NRXN3: variants seen among roughly 807,000 people sequenced by gnomAD.
The protein encoded by NRXN3 is neurexin III.
In NRXN3, 32 loss-of-function variants were observed where a neutral mutation model predicts 137.6. That is an observed-to-expected ratio of 0.23 (90% CI 0.18 to 0.31). The LOEUF (loss-of-function observed/expected upper bound fraction) is 0.31. NRXN3 is among the 10% of genes least tolerant of loss of function. The pLI is 1.00. For synonymous variants in NRXN3, 798 were observed against 784.5 expected, an observed-to-expected ratio of 1.02 and a Z score of -0.29; for missense variants, 1,574 against 2,062.5, an observed-to-expected ratio of 0.76 and a Z score of 4.59.
chr14:78,906,397 C>T (rs1034367842), intron 10 of NRXN3, among the ~76,000 whole-genome samples: 1 of 152,032 alleles, frequency 6.6e-6, no homozygotes, highest in Non-Finnish European at 1.5e-5. Context: ...ACTGCCCTTC[C>T]CAATAGTTTT....
chr14:78,564,809 G>A (rs904354425), intron 4 of NRXN3, among the ~76,000 whole-genome samples: 1 of 151,984 alleles, frequency 6.6e-6, no homozygotes, highest in Non-Finnish European at 1.5e-5. Context: ...ATATGGTGGG[G>A]GTCTCAGTCA....
intron 15 of NRXN3, among the ~76,000 whole-genome samples, chr14:79,259,993 C>T (rs532282030): frequency 5.3e-5 from 8 of 152,196 alleles, no homozygotes; most frequent in East Asian, 1.9e-4. Flanking sequence ...CTCAGTTGTG[C>T]CAGAGCATAA....
chr14:79,718,617 C>A (rs988543136), intron 19 of NRXN3, among the ~76,000 whole-genome samples: 1 of 152,202 alleles, frequency 6.6e-6, no homozygotes, highest in Non-Finnish European at 1.5e-5. Context: ...CAGGCCCCCA[C>A]TACAGGCCCA....
chr14:79,380,630 G>C (rs113636672), intron 15 of NRXN3, among the ~76,000 whole-genome samples: 4,054 of 152,068 alleles, frequency 0.027, 183 homozygotes, highest in African/African-American at 0.093. Context: ...CAAGTCTTTG[G>C]TATTGTGAAT....
intron 17 of NRXN3, among the ~76,000 whole-genome samples, chr14:79,667,500 C>T (rs1210076506): frequency 6.6e-6 from 1 of 151,954 alleles, no homozygotes; most frequent in Non-Finnish European, 1.5e-5. Context: ...AACATCCCAC[C>T]GTGAAATATT....
chr14:78,498,214 G>A (rs1221109319), intron 4 of NRXN3, among the ~76,000 whole-genome samples: 1 of 152,178 alleles, frequency 6.6e-6, no homozygotes, highest in East Asian at 1.9e-4. Context: ...GTGCCAGATG[G>A]GAGTGTCACT....
At chr14:78,699,294 A>G (rs2098257267) in intron 6 of NRXN3, among the ~76,000 whole-genome samples, 3 of 149,694 alleles carry the variant, frequency 2.0e-5, no homozygotes, top group Admixed American at 6.6e-5. Flanking sequence ...TTATCCAGGT[A>G]GAGAATCCAG....
intron 15 of NRXN3, among the ~76,000 whole-genome samples, chr14:79,278,285 A>G (rs1157358741): frequency 6.6e-6 from 1 of 152,200 alleles, no homozygotes; most frequent in Non-Finnish European, 1.5e-5. Flanking sequence ...TGTGTGGACA[A>G]CAACCTGGCC....
chr14:78,933,092 A>G (rs751552435), intron 10 of NRXN3, among the ~76,000 whole-genome samples: 25 of 152,240 alleles, frequency 1.6e-4, no homozygotes, highest in Non-Finnish European at 3.4e-4. Flanking sequence ...TGCTTGTCTC[A>G]CATGGCAGGT....
At chr14:79,611,258 A>C (rs2098095335) in intron 16 of NRXN3, among the ~76,000 whole-genome samples, 1 of 152,230 alleles carries the variant, frequency 6.6e-6, no homozygotes, top group Non-Finnish European at 1.5e-5. Flanking sequence ...GAGAAAGGTA[A>C]GGTAAAAATG....
At chr14:78,280,299 T>G (rs1313844135) in intron 3 of NRXN3, among the ~76,000 whole-genome samples, 1 of 152,212 alleles carries the variant, frequency 6.6e-6, no homozygotes, top group East Asian at 1.9e-4. Flanking sequence ...TACACACGTA[T>G]ATGCATGTTT....
chr14:78,451,883 G>A (rs2094560159), intron 4 of NRXN3, among the ~76,000 whole-genome samples: 1 of 152,218 alleles, frequency 6.6e-6, no homozygotes, highest in African/African-American at 2.4e-5. Context: ...GCTAGATCAA[G>A]TGGACATTTT....
intron 15 of NRXN3, among the ~76,000 whole-genome samples, chr14:79,091,401 T>A (rs1568259135): frequency 6.6e-6 from 1 of 152,156 alleles, no homozygotes; most frequent in Non-Finnish European, 1.5e-5. Context: ...CAAGTAGTAT[T>A]TTATTACCAA....
At chr14:79,129,146 T>A (rs1488576061) in intron 15 of NRXN3, among the ~76,000 whole-genome samples, 1 of 152,162 alleles carries the variant, frequency 6.6e-6, no homozygotes, top group Non-Finnish European at 1.5e-5. Context: ...ATTCATTAAT[T>A]TTTTGGAGGG....
intron 4 of NRXN3, among the ~76,000 whole-genome samples, chr14:78,600,087 G>GA (rs1299997470): frequency 6.6e-6 from 1 of 152,146 alleles, no homozygotes; most frequent in Non-Finnish European, 1.5e-5. Context: ...GAGGACAGGT[G>GA]ACCGAGGGGG....
intron 19 of NRXN3, among the ~76,000 whole-genome samples, chr14:79,776,583 G>GC (rs1039368478): frequency 2.2e-4 from 33 of 152,236 alleles, no homozygotes; most frequent in African/African-American, 7.5e-4. Flanking sequence ...GTTCTGTATT[G>GC]CCCTATAGTT....
At chr14:79,807,686 A>G (rs1389361957) in intron 20 of NRXN3, among the ~76,000 whole-genome samples, 1 of 152,198 alleles carries the variant, frequency 6.6e-6, no homozygotes, top group Non-Finnish European at 1.5e-5. Context: ...GGAGCATGAG[A>G]GGAGATAAAG....
intron 19 of NRXN3, among the ~76,000 whole-genome samples, chr14:79,738,507 C>T (rs780145307): frequency 1.3e-5 from 2 of 152,142 alleles, no homozygotes; most frequent in African/African-American, 4.8e-5. Flanking sequence ...CTCAATGATA[C>T]TAATTTCAAA....
intron 4 of NRXN3, among the ~76,000 whole-genome samples, chr14:78,540,673 G>A (rs1004983334): frequency 1.3e-5 from 2 of 152,108 alleles, no homozygotes; most frequent in Non-Finnish European, 2.9e-5. Flanking sequence ...ATATTCACTG[G>A]TTATTTTGCC....
Sources: allele counts gnomAD v4.1 joint callset (sites outside exome capture counted in the v4.1 genomes callset), GRCh38; gene constraint gnomAD v4.1.1; transcripts MANE v1.5; gene names NCBI Gene and HGNC (gene_info 2026-07-23, HGNC 2026-07-21).